Variants in EYS observed in about 807,000 individuals in gnomAD.
The protein encoded by EYS is protein eyes shut homolog.
EYS carries 250 observed loss-of-function variants against 282.1 expected under a neutral mutation model. That is an observed-to-expected ratio of 0.89 (90% confidence interval 0.80 to 0.98). The LOEUF is 0.98. EYS is among the 50% of genes least tolerant of loss of function. EYS has a pLI of 0.00. For missense variants in EYS, 4,016 were observed against 3,709.0 expected, an observed-to-expected ratio of 1.08 and a Z score of -2.15; for synonymous variants, 1,355 against 1,282.9, an observed-to-expected ratio of 1.06 and a Z score of -1.20.
Position 64,394,968 on chromosome 6 carries a change from G to A in EYS, c.5928-6128C>T, listed in dbSNP as rs376018866. 4.2e-3 allele frequency among the ~76,000 whole-genome samples: 637 copies of A among 152,158 alleles called. 16 individuals are homozygous for A. In the East Asian group the frequency reaches 0.093, roughly 22 times the overall value. Reference sequence around the variant, plus strand: ...CAAACAACCCCATCAAAAAGTGGGCGAAGGATATGAACAGACACTTCTCGA... The same window carrying A: ...CAAACAACCCCATCAAAAAGTGGGCAAAGGATATGAACAGACACTTCTCGA... On this transcript the variant is annotated intron_variant, in intron 28 of 42. Transcript: ENST00000503581.
At chr6:64,463,961 T>C (rs1349521015) in intron 26 of EYS, among the ~76,000 whole-genome samples, 3 of 152,176 alleles carry the variant, frequency 2.0e-5, no homozygotes, top group Non-Finnish European at 2.9e-5. Flanking sequence ...CCATTACCCT[T>C]ATATCAAAGC....
chr6:64,412,495 G>A (rs1773934631), intron 28 of EYS: 1 of 152,062 alleles, frequency 6.6e-6, no homozygotes, highest in East Asian at 1.9e-4. Context: ...TATATAGGAG[G>A]ATGCATAAGT....
intron 5 of EYS, among the ~76,000 whole-genome samples, chr6:65,408,418 T>C (rs1296164494): frequency 6.6e-6 from 1 of 152,126 alleles, no homozygotes; most frequent in Non-Finnish European, 1.5e-5. Flanking sequence ...GGCAGGTCTA[T>C]ATGAATTTTC....
chr6:64,825,836 A>T (rs543729556), intron 19 of EYS, among the ~76,000 whole-genome samples: 1 of 151,918 alleles, frequency 6.6e-6, no homozygotes, highest in African/African-American at 2.4e-5. Context: ...ACTCTAAGTT[A>T]TTCATCTGTA....
chr6:64,761,636 T>C (rs1173780971), intron 22 of EYS, among the ~76,000 whole-genome samples: 2 of 152,164 alleles, frequency 1.3e-5, no homozygotes, highest in East Asian at 1.9e-4. Flanking sequence ...TTTGTATTTT[T>C]AGTAGAGATG....
intron 20 of EYS, among the ~76,000 whole-genome samples, chr6:64,822,167 C>G (rs1764918822): frequency 6.6e-6 from 1 of 152,008 alleles, no homozygotes; most frequent in South Asian, 2.1e-4. Context: ...TCTAGAAATA[C>G]CTTCACTCTA....
rs1479559688 is a variant in EYS at position 64,718,989 on chromosome 6, G to A, written c.3444-92744C>T. 5.3e-5 allele frequency among the ~76,000 whole-genome samples: 8 copies of A among 152,156 alleles called. No individual in the cohort carries two copies. The East Asian group carries it at 5.8e-4, about 11-fold the overall frequency. ...ACCCAGGTAGGCCCAGTCTAAATAC[G>A]TGAACCCTTAAAGGCAGACGATTTT... is the stretch of plus-strand genomic sequence containing the variant. On this transcript the variant is annotated intron_variant, in intron 22 of 42. Coordinates refer to ENST00000503581, the MANE Select transcript of EYS (RefSeq NM_001142800.2).
At chr6:65,539,680 C>T (rs1010177662) in intron 2 of EYS, among the ~76,000 whole-genome samples, 5 of 152,146 alleles carry the variant, frequency 3.3e-5, no homozygotes, top group East Asian at 3.8e-4. Context: ...AAGTATATCA[C>T]GGTCTGATGA....
intron 2 of EYS, among the ~76,000 whole-genome samples, chr6:65,534,902 C>A (rs1439899727): frequency 6.6e-6 from 1 of 152,136 alleles, no homozygotes; most frequent in Non-Finnish European, 1.5e-5. Flanking sequence ...TTAGCTGCTG[C>A]TGGAAAACAC....
chr6:64,370,468 T>C (rs1439346457), intron 29 of EYS, among the ~76,000 whole-genome samples: 1 of 152,134 alleles, frequency 6.6e-6, no homozygotes, highest in African/African-American at 2.4e-5. Context: ...TCAAGGATAT[T>C]GGCCAAAGTT....
intron 2 of EYS, among the ~76,000 whole-genome samples, chr6:65,509,549 A>C (rs1398993689): frequency 6.6e-6 from 1 of 152,066 alleles, no homozygotes; most frequent in African/African-American, 2.4e-5. Flanking sequence ...GCCTACTGTT[A>C]TTTGGGTTTT....
At chr6:63,920,838 T>C (rs1012709333) in intron 35 of EYS, among the ~76,000 whole-genome samples, 8 of 152,080 alleles carry the variant, frequency 5.3e-5, no homozygotes, top group African/African-American at 1.9e-4. Context: ...AAACTCTTTG[T>C]GACCTCAGAT....
intron 7 of EYS, among the ~76,000 whole-genome samples, chr6:65,395,949 T>C (rs1766264484): frequency 6.6e-6 from 1 of 152,206 alleles, no homozygotes; most frequent in Non-Finnish European, 1.5e-5. Flanking sequence ...TGATACAGTG[T>C]TTGTCTTTAT....
chr6:64,094,911 A>T (rs2150254470), intron 31 of EYS, among the ~76,000 whole-genome samples: 1 of 151,530 alleles, frequency 6.6e-6, no homozygotes, highest in Non-Finnish European at 1.5e-5. Flanking sequence ...ATTTCCCTCT[A>T]CACACTGCGT....
chr6:64,881,723 T>C (rs1766924935), intron 19 of EYS, among the ~76,000 whole-genome samples: 1 of 151,790 alleles, frequency 6.6e-6, no homozygotes, highest in Non-Finnish European at 1.5e-5. Flanking sequence ...TTCATGGTTA[T>C]AACTCAATAA....
intron 35 of EYS, among the ~76,000 whole-genome samples, chr6:63,883,763 G>C (rs1390475658): frequency 6.6e-6 from 1 of 152,192 alleles, no homozygotes; most frequent in Non-Finnish European, 1.5e-5. Flanking sequence ...TTTGCATACA[G>C]TCTGTGTTTG....
At position 64,388,810 on chromosome 6, in the gene EYS, C is replaced by T. The variant is rs2150425049; in HGVS notation, c.5958G>A (p.Leu1986=). 13 of 1,541,476 alleles carry T rather than the reference C, an allele frequency of 8.4e-6. No homozygotes were observed. The highest frequency in any genetic ancestry group is 1.1e-5 in the Non-Finnish European group (13 of 1,142,332). Reference sequence around the variant, plus strand: ...TTTGTGTATTCCTCCCTAAAATAGTCAGCTCAGCGTTACATGGATCCAATT... The same window carrying T: ...TTTGTGTATTCCTCCCTAAAATAGTTAGCTCAGCGTTACATGGATCCAATT... ...RQELDPCNAE[L]TILGRNTQIC... is the part of the protein sequence containing the mutation. Residue 1986 remains leucine (L), a synonymous_variant, in exon 29 of 43, where the codon CTG becomes CTA. Coordinates refer to ENST00000503581, the MANE Select transcript of EYS (RefSeq NM_001142800.2).
chr6:63,870,063 A>G (rs1037863991), intron 35 of EYS, among the ~76,000 whole-genome samples: 2 of 152,154 alleles, frequency 1.3e-5, no homozygotes, highest in Non-Finnish European at 2.9e-5. Context: ...GATTCAATAT[A>G]ACAGAATCTG....
intron 22 of EYS, among the ~76,000 whole-genome samples, chr6:64,700,315 A>G (rs1770736096): frequency 6.6e-6 from 1 of 152,074 alleles, no homozygotes; most frequent in Non-Finnish European, 1.5e-5. Context: ...TTATCCTAAG[A>G]ACTGGAACAA....
Sources: allele counts gnomAD v4.1 joint callset (sites outside exome capture counted in the v4.1 genomes callset), GRCh38; gene constraint gnomAD v4.1.1; transcripts MANE v1.5; gene names NCBI Gene and HGNC (gene_info 2026-07-23, HGNC 2026-07-21).